SRCIN1: variants seen among roughly 807,000 people sequenced by gnomAD.
SRCIN1 encodes the protein P130Cas-associated protein.
A neutral mutation model predicts 116.2 loss-of-function variants in SRCIN1; 50 were observed. The observed-to-expected ratio is 0.43, with a 90% CI of 0.34 to 0.54. The LOEUF (loss-of-function observed/expected upper bound fraction) is 0.54, where lower values mean the gene tolerates loss of function less well. Among genes scored for constraint, SRCIN1 ranks in the 20% least tolerant of loss-of-function variants. The pLI is 0.02. For synonymous variants in SRCIN1, 736 were observed against 750.0 expected, an observed-to-expected ratio of 0.98 and a Z score of 0.30; for missense variants, 1,446 against 1,672.0, an observed-to-expected ratio of 0.86 and a Z score of 2.36.
chr17:38,534,392 G>A (rs1230944780), intron 18 of SRCIN1, among the ~76,000 whole-genome samples: 4 of 152,152 alleles, frequency 2.6e-5, no homozygotes, highest in Non-Finnish European at 5.9e-5. Flanking sequence ...TGCCTCTGCT[G>A]CACACTTACC....
chr17:38,588,406 T>C (rs1281871879), intron 1 of SRCIN1, among the ~76,000 whole-genome samples: 1 of 152,248 alleles, frequency 6.6e-6, no homozygotes, highest in Admixed American at 6.5e-5. Flanking sequence ...AGCTAACTCC[T>C]GTGTGGCAGC....
chr17:38,534,596 G>T (rs11658995), intron 18 of SRCIN1, among the ~76,000 whole-genome samples: 1 of 152,140 alleles, frequency 6.6e-6, no homozygotes, highest in South Asian at 2.1e-4. Flanking sequence ...GGGCAGGGTC[G>T]TTCACTTCCC....
chr17:38,560,128 G>A (rs1344973319), intron 8 of SRCIN1, 31 bp from the exon 9 acceptor site: 2 of 1,531,798 alleles, frequency 1.3e-6, no homozygotes, highest in Non-Finnish European at 8.8e-7. Flanking sequence ...CCATCAGGGG[G>A]TCCAGGCCAG....
intron 2 of SRCIN1, chr17:38,574,959 C>T (rs765362557): frequency 2.0e-5 from 8 of 400,944 alleles, no homozygotes; most frequent in Admixed American, 4.4e-5. Context: ...ACGGGGTCCA[C>T]GGTCCAGCCG....
chr17:38,601,994 G>A (rs1909067241), intron 1 of SRCIN1, among the ~76,000 whole-genome samples: 1 of 152,128 alleles, frequency 6.6e-6, no homozygotes, highest in African/African-American at 2.4e-5. Flanking sequence ...GGAATGGGAA[G>A]ACGGAAAGGC....
At chr17:38,538,214 C>T (rs1288926556) in intron 18 of SRCIN1, among the ~76,000 whole-genome samples, 3 of 151,580 alleles carry the variant, frequency 2.0e-5, no homozygotes, top group Non-Finnish European at 2.9e-5. Context: ...GTCAGGAGTT[C>T]GAGACCAGCC....
chr17:38,586,896 C>T (rs142183029), intron 1 of SRCIN1, among the ~76,000 whole-genome samples: 119 of 152,254 alleles, frequency 7.8e-4, no homozygotes, highest in African/African-American at 2.6e-3. Flanking sequence ...CTAGGAGGAG[C>T]GGTGAGGCTG....
chr17:38,578,452 G>GCGGCCGCAGC lies in SRCIN1; in HGVS notation c.324+28_324+37dup, dbSNP rs1177100918. The GCGGCCGCAGC allele has an allele frequency of 2.0e-6, 3 of 1,533,132 alleles. No homozygotes were observed. The African/African-American group carries it at 4.3e-5, about 22-fold the overall frequency. 95.0% of individuals were successfully genotyped at this position (1,533,132 alleles called of 1,614,324 possible). On this transcript the variant is annotated intron_variant, in intron 2 of 18. Transcript: ENST00000617146. ...AGACCTCCTCCCCTGCCCGCTGGCCGCGGCCGCAGCCGCAGCCGCAGCCGG... is the reference window on the plus strand; with the variant it reads ...AGACCTCCTCCCCTGCCCGCTGGCCGCGGCCGCAGCCGGCCGCAGCCGCAGCCGCAGCCGG...
intron 1 of SRCIN1, among the ~76,000 whole-genome samples, chr17:38,590,052 G>A (rs1228343337): frequency 6.6e-6 from 1 of 152,214 alleles, no homozygotes; most frequent in East Asian, 1.9e-4. Context: ...TCCCATCAGA[G>A]CAGCATCTGG....
chr17:38,570,582 TC>T (rs1426840938), intron 2 of SRCIN1, among the ~76,000 whole-genome samples: 1 of 152,082 alleles, frequency 6.6e-6, no homozygotes, highest in Non-Finnish European at 1.5e-5. Flanking sequence ...AGATGTTCTG[TC>T]CCCCACCCTG....
At chr17:38,551,731 C>A (rs1320818287) in intron 14 of SRCIN1, 155 bp downstream of exon 14, 1 of 1,228,776 alleles carries the variant, frequency 8.1e-7, no homozygotes, top group South Asian at 1.3e-5. Context: ...GCTAATGTCA[C>A]CCTCATTATG....
Position 38,552,834 on chromosome 17 carries a change from C to T in SRCIN1, c.2223G>A (p.Glu741=). The T allele has an allele frequency of 6.2e-7, 1 of 1,613,992 alleles. No individual in the cohort carries two copies. Among genetic ancestry groups the T allele is most frequent in the Non-Finnish European group, 8.5e-7 (1 of 1,179,884 alleles). The change falls in exon 12 of 19, where the codon GAG becomes GAA. Residue 741 remains glutamate, a synonymous_variant. Coordinates refer to ENST00000617146, the MANE Select transcript of SRCIN1 (RefSeq NM_025248.3). The surrounding 1 kb of genome is among the most constrained non-coding windows in gnomAD (Gnocchi z 5.3). ...QQLNDLEKSV[E]KIQRDVSHNH... ...TGTGGGACACGTCTCTCTGGATCTT[C>T]TCCACCGATTTCTCCAGGTCACTGC...
At chr17:38,587,013 C>T (rs1256356219) in intron 1 of SRCIN1, among the ~76,000 whole-genome samples, 1 of 151,658 alleles carries the variant, frequency 6.6e-6, no homozygotes, top group African/African-American at 2.4e-5. Flanking sequence ...GGGAGGGGGG[C>T]GGGCATCAGA....
chr17:38,550,013 C>T (rs1905283966), intron 15 of SRCIN1, among the ~76,000 whole-genome samples: 1 of 152,216 alleles, frequency 6.6e-6, no homozygotes, highest in East Asian at 1.9e-4. Flanking sequence ...TTCCTGCCCT[C>T]CTAGGGCCTC....
In SRCIN1 at chr17:38,561,835, A is replaced by G. The variant is rs765397071; in HGVS notation, c.1328T>C (p.Leu443Pro). Residue 443 changes from leucine (L) to proline (P), a missense_variant, in exon 7 of 19, where the codon CTG becomes CCG. Leu to Pro is a moderately conservative substitution (Grantham distance 98, BLOSUM62 -3). Around this residue, in one of 5 missense-constraint regions of SRCIN1, gnomAD observed 398 missense variants for 385.6 expected, o/e 1.03. Transcript: ENST00000617146. ...CAGGGAGTCCTCCAGATCGGACTGC[A>G]GCGCGGCGGCCGAGTAGGTGCTGAG... ...RSLSTYSAAA[L>P]QSDLEDSLYK... 3 of 1,476,876 alleles carry G rather than the reference A, an allele frequency of 2.0e-6. No homozygotes were observed. The highest frequency in any genetic ancestry group is 1.3e-5 in the South Asian group (1 of 76,996). 91.5% of individuals were successfully genotyped at this position (1,476,876 alleles called of 1,614,324 possible).
intron 3 of SRCIN1, among the ~76,000 whole-genome samples, chr17:38,566,535 A>C (rs1199068167): frequency 6.6e-6 from 1 of 152,164 alleles, no homozygotes; most frequent in East Asian, 1.9e-4. Flanking sequence ...GGAGGTAGAG[A>C]GCGCCTATCA....
intron 1 of SRCIN1, among the ~76,000 whole-genome samples, chr17:38,584,286 GGGA>G (rs1232287403): frequency 2.6e-5 from 4 of 152,232 alleles, no homozygotes; most frequent in African/African-American, 4.8e-5. Flanking sequence ...AGAGACATAA[GGGA>G]GGGGGCTCAG....
rs1048195158 is a variant in SRCIN1, at chr17:38,532,525, A to G, written c.*772T>C. 1 of 152,700 alleles carries G rather than the reference A, an allele frequency of 6.5e-6. No homozygotes were observed. 9.5% of individuals were successfully genotyped at this position (152,700 alleles called of 1,614,324 possible). ...ACCCACCCTCCACAGCCAGCAGACC[A>G]AAGGGCCTCTGCCCTCCACTCCCCA... On this transcript the variant is annotated 3_prime_UTR_variant, in exon 19 of 19. Transcript: ENST00000617146. This position sits in a 1 kb window ranked among gnomAD's most constrained non-coding sequence, Gnocchi z 4.3.
At position 38,552,972 on chromosome 17, in the gene SRCIN1, A is replaced by C; in HGVS notation, c.2202-117T>G. 1 of 1,483,196 alleles carries C rather than the reference A, an allele frequency of 6.7e-7. No homozygotes were observed. Among genetic ancestry groups the C allele is most frequent in the South Asian group, 1.3e-5 (1 of 75,034 alleles). 91.9% of individuals were successfully genotyped at this position (1,483,196 alleles called of 1,614,324 possible). On this transcript the variant is annotated intron_variant, in intron 11 of 18. Transcript: ENST00000617146. The surrounding 1 kb of genome is among the most constrained non-coding windows in gnomAD (Gnocchi z 5.3). The stretch of plus-strand genomic sequence containing the variant: ...CAGTTGGATCGAAAGTAAAAGCAGG[A>C]GGCTGGGCACCGTGGCTCACGCCCG...
Sources: gnomAD v4.1 joint callset for allele counts (sites outside exome capture counted in the v4.1 genomes callset) on GRCh38, gnomAD v4.1.1 for gene constraint, gnomAD v4.1.1 regional missense constraint, Gnocchi (gnomAD v3.1) non-coding constraint, MANE v1.5 for transcripts, NCBI Gene and HGNC (gene_info 2026-07-23, HGNC 2026-07-21) for gene names.